The following DOCK10 variants were observed in gnomAD, a reference collection of about 807,000 sequenced individuals.
DOCK10 encodes dedicator of cytokinesis 10, also known as dedicator of cytokinesis protein 10.
Under a neutral mutation model 280.1 loss-of-function variants are expected in DOCK10, and 145 were observed. The observed-to-expected ratio is 0.52, with a 90% CI of 0.45 to 0.59. The LOEUF (loss-of-function observed/expected upper bound fraction) is 0.59. DOCK10 is among the 20% of genes least tolerant of loss of function. The probability of loss-of-function intolerance (pLI) is 0.00; values close to 1 mark genes in which losing one functional copy is unlikely to be tolerated. For missense variants in DOCK10, 2,368 were observed against 2,651.7 expected (o/e 0.89, Z 2.35); for synonymous variants, 915 against 942.2 (o/e 0.97, Z 0.53).
chr2:224,886,894 C>CCCCG lies in DOCK10; in HGVS notation c.417-364_417-363insCGGG, dbSNP rs1176193205. On this transcript the variant is annotated intron_variant, in intron 4 of 55. Transcript: ENST00000258390. The stretch of plus-strand genomic sequence containing the variant: ...TGCATGCAGCACCCCCAACACCCCC[C>CCCCG]CAAGTAGTACCTGGGATTACAGGCA... Among the ~76,000 whole-genome samples the CCCCG allele has an allele frequency of 2.5e-4, 33 of 134,556 alleles. 2 individuals carry two copies. The highest frequency in any genetic ancestry group is 8.6e-4 in the African/African-American group (31 of 36,256). 88.3% of individuals were successfully genotyped at this position (134,556 alleles called of 152,430 possible). A position where few individuals can be genotyped will look rare whatever the true frequency, so the allele number is the denominator to read the frequency against.
chr2:224,916,676 T>C lies in DOCK10; in HGVS notation c.333+19A>G, dbSNP rs77982509. The C allele has an allele frequency of 2.2e-3, 3,497 of 1,574,492 alleles. 78 individuals carry two copies. The African/African-American group carries it at 0.04, about 18-fold the overall frequency. On this transcript the variant is annotated intron_variant, in intron 3 of 55. Transcript: ENST00000258390. Reference sequence around the variant, plus strand: ...AAAGCAAAAGCCTTAAAATAAAGCATTGGAAGCATCACATTTACCTCCTTA... The same window carrying C: ...AAAGCAAAAGCCTTAAAATAAAGCACTGGAAGCATCACATTTACCTCCTTA...
At chr2:224,883,695 C>T (rs1328657199) in intron 7 of DOCK10, among the ~76,000 whole-genome samples, 1 of 152,140 alleles carries the variant, frequency 6.6e-6, no homozygotes, top group African/African-American at 2.4e-5. Flanking sequence ...GTTTTCCCTT[C>T]AATACTCCTT....
intron 1 of DOCK10, among the ~76,000 whole-genome samples, chr2:225,017,670 AAAG>A (rs1197773348): frequency 2.0e-5 from 3 of 151,362 alleles, no homozygotes; most frequent in Admixed American, 1.3e-4. Context: ...CTGTCTAGCC[AAAG>A]AAGCCAATAA....
At chr2:224,775,455 T>G (rs1690776459) in intron 51 of DOCK10, among the ~76,000 whole-genome samples, 1 of 139,584 alleles carries the variant, frequency 7.2e-6, no homozygotes, top group Non-Finnish European at 1.5e-5. Context: ...CAAACTTCTT[T>G]TATTTTTCAT....
intron 3 of DOCK10, among the ~76,000 whole-genome samples, chr2:224,910,535 T>C (rs1004778400): frequency 2.6e-5 from 4 of 152,202 alleles, no homozygotes; most frequent in Non-Finnish European, 4.4e-5. Context: ...TTCTATGACA[T>C]AGTTTCCTTG....
chr2:224,896,461 C>A (rs372341693), intron 3 of DOCK10, 84 bp from the exon 4 acceptor site: 7 of 824,968 alleles, frequency 8.5e-6, no homozygotes, highest in East Asian at 2.9e-5. Flanking sequence ...GTAATCCCAG[C>A]ACTTTGAGAG....
intron 3 of DOCK10, among the ~76,000 whole-genome samples, chr2:224,907,344 G>A (rs940504029): frequency 5.3e-5 from 8 of 152,100 alleles, no homozygotes; most frequent in Non-Finnish European, 1.2e-4. Context: ...TCTTAGAATT[G>A]CATGACCTCC....
At chr2:224,941,768 C>T (rs956098515) in intron 1 of DOCK10, among the ~76,000 whole-genome samples, 7 of 150,870 alleles carry the variant, frequency 4.6e-5, no homozygotes, top group Admixed American at 2.0e-4. Context: ...CTCTTGAACC[C>T]GGGAGGCAGA....
At chr2:224,906,804 C>T (rs906868063) in intron 3 of DOCK10, among the ~76,000 whole-genome samples, 1 of 152,120 alleles carries the variant, frequency 6.6e-6, no homozygotes, top group South Asian at 2.1e-4. Flanking sequence ...TAGTATACTC[C>T]AGGGGGTACT....
intron 14 of DOCK10, among the ~76,000 whole-genome samples, chr2:224,859,187 T>G (rs1160259222): frequency 6.6e-6 from 1 of 152,210 alleles, no homozygotes; most frequent in Non-Finnish European, 1.5e-5. Flanking sequence ...GAATCTTAAA[T>G]GACAGCTGCA....
rs182893395 is a variant in DOCK10 at position 224,793,528 on chromosome 2, C to T, written c.5155-71G>A. The stretch of plus-strand genomic sequence containing the variant: ...TATAATTAGGGCTAATCTTCCAAGG[C>T]GAGTCAGTATTCCATATCAGAATAT... On this transcript the variant is annotated intron_variant, in intron 45 of 55. Transcript: ENST00000258390. 3,460 of 1,219,622 alleles carry T rather than the reference C, an allele frequency of 2.8e-3. 21 individuals are homozygous for T. The highest frequency in any genetic ancestry group is 0.016 in the South Asian group (1,234 of 77,214). The allele number at this position is 1,219,622 out of a possible 1,614,324, so 75.6% of individuals were successfully genotyped here. A position where few individuals can be genotyped will look rare whatever the true frequency, so the allele number is the denominator to read the frequency against.
chr2:224,804,764 G>C (rs1026435412), intron 38 of DOCK10, 30 bp downstream of exon 38: 1 of 1,396,516 alleles, frequency 7.2e-7, no homozygotes, highest in Non-Finnish European at 9.7e-7. Flanking sequence ...TAAAAGACCA[G>C]ATTAACCTAT....
rs1334982907 is a variant in DOCK10, at chr2:224,851,796, T to TA, written c.2142+580dup. Among the ~76,000 whole-genome samples, 4 of 152,204 alleles carry TA rather than the reference T, an allele frequency of 2.6e-5. No individual in the cohort carries two copies. In the South Asian group the frequency reaches 6.2e-4, roughly 24 times the overall value. ...CATACTATATATCAAATATGAACTC[T>TA]AAAAAATGCCATCCCGTTGCAGCTT... On this transcript the variant is annotated intron_variant, in intron 18 of 55. Transcript: ENST00000258390.
At chr2:224,812,801 G>A (rs540208630) in intron 31 of DOCK10, among the ~76,000 whole-genome samples, 9 of 152,236 alleles carry the variant, frequency 5.9e-5, no homozygotes, top group South Asian at 2.1e-4. Context: ...ATTGATTTGC[G>A]TATGTTGAAC....
chr2:224,926,427 G>A (rs1206431920), intron 2 of DOCK10, among the ~76,000 whole-genome samples: 1 of 152,246 alleles, frequency 6.6e-6, no homozygotes, highest in Non-Finnish European at 1.5e-5. Flanking sequence ...AGGGCTGGGT[G>A]CAGTGGCTCA....
intron 1 of DOCK10, among the ~76,000 whole-genome samples, chr2:224,961,017 C>A (rs142161666): frequency 1.3e-5 from 2 of 152,198 alleles, no homozygotes; most frequent in East Asian, 3.9e-4. Context: ...GGATTACAGG[C>A]GTGAGCCACC....
At chr2:224,912,410 C>T (rs1701074852) in intron 3 of DOCK10, among the ~76,000 whole-genome samples, 1 of 152,236 alleles carries the variant, frequency 6.6e-6, no homozygotes, top group East Asian at 1.9e-4. Context: ...GCTGGGATTA[C>T]AGGAGTGAGC....
intron 11 of DOCK10, among the ~76,000 whole-genome samples, chr2:224,871,965 T>C (rs1698315100): frequency 6.6e-6 from 1 of 152,244 alleles, no homozygotes; most frequent in Admixed American, 6.5e-5. Flanking sequence ...CTTATCTAGT[T>C]ACTTCCTGTT....
At chr2:224,889,964 G>T (rs182720264) in intron 4 of DOCK10, among the ~76,000 whole-genome samples, 2 of 152,304 alleles carry the variant, frequency 1.3e-5, no homozygotes, top group Non-Finnish European at 1.5e-5. Flanking sequence ...CAGAAGATGA[G>T]TGTTCCAGGA....
Sources: allele counts gnomAD v4.1 joint callset (sites outside exome capture counted in the v4.1 genomes callset), GRCh38; gene constraint gnomAD v4.1.1; transcripts MANE v1.5; gene names NCBI Gene and HGNC (gene_info 2026-07-23, HGNC 2026-07-21).